The following ATRX variants were observed in gnomAD, a reference collection of about 807,000 sequenced individuals.
ATRX encodes the protein ATRX chromatin remodeler, also known as chromatin remodeler ATRX.
In ATRX, 12 loss-of-function variants were observed where a neutral mutation model predicts 172.6. That is an observed-to-expected ratio of 0.07 (90% confidence interval 0.04 to 0.11). The LOEUF is 0.11. Ranked by LOEUF, ATRX falls within the 10% of genes least tolerant of loss-of-function variation. The pLI is 1.00. For synonymous variants in ATRX, 674 were observed against 594.7 expected (o/e 1.13, Z -1.94); for missense variants, 1,368 against 1,767.4 (o/e 0.77, Z 4.05).
intron 30 of ATRX, among the ~76,000 whole-genome samples, chrX:77,538,748 T>C (rs187415011): frequency 1.8e-4 from 20 of 111,712 alleles, no homozygotes; most frequent in East Asian, 1.4e-3. Context: ...ATAAGAAACT[T>C]TGGAAGTAAG....
At position 77,633,513 on chromosome X, in the gene ATRX, A is replaced by G. The variant is rs185205836; in HGVS notation, c.4956+53T>C. On this transcript the variant is annotated intron_variant, in intron 18 of 34. Coordinates refer to ENST00000373344, the MANE Select transcript of ATRX (RefSeq NM_000489.6). Reference sequence around the variant, plus strand: ...TAAAAAAAATTAAAAATAGTTTACTATATGAATTTCATGTGACTATTTTAA... The same window carrying G: ...TAAAAAAAATTAAAAATAGTTTACTGTATGAATTTCATGTGACTATTTTAA... The G allele has an allele frequency of 2.1e-5, 24 of 1,144,876 alleles. No homozygotes were observed. The East Asian group carries it at 6.7e-4, about 32-fold the overall frequency. The allele number at this position is 1,144,876 out of a possible 1,213,427, so 94.4% of individuals were successfully genotyped here. A position where few individuals can be genotyped will look rare whatever the true frequency, so the allele number is the denominator to read the frequency against.
chrX:77,616,001 C>G lies in ATRX; in HGVS notation c.5566+612G>C, dbSNP rs1265260165. 9.3e-6 allele frequency: 7 copies of G among 751,614 alleles called. No individual in the cohort carries two copies. The African/African-American group carries it at 1.6e-4, about 18-fold the overall frequency. 61.9% of individuals were successfully genotyped at this position (751,614 alleles called of 1,213,427 possible). A position where few individuals can be genotyped will look rare whatever the true frequency, so the allele number is the denominator to read the frequency against. On this transcript the variant is annotated intron_variant, in intron 22 of 34. Transcript: ENST00000373344. ...GTGTGAAGACAGACATCTTCAGGCA[C>G]AGAGAGACACAGACACACACACACA...
At chrX:77,625,357 C>T (rs1557102290) in intron 19 of ATRX, among the ~76,000 whole-genome samples, 1 of 112,230 alleles carries the variant, frequency 8.9e-6, no homozygotes, top group African/African-American at 3.2e-5. Context: ...GGTCAAGAAC[C>T]CAAAAGCAAA....
chrX:77,644,720 A>G (rs782753993), intron 15 of ATRX, among the ~76,000 whole-genome samples: 3 of 106,516 alleles, frequency 2.8e-5, no homozygotes, highest in South Asian at 4.0e-4. Context: ...TCAAAAAGGG[A>G]AAAAAAAAAA....
At chrX:77,775,018 G>A (rs886855557) in intron 1 of ATRX, among the ~76,000 whole-genome samples, 2 of 111,435 alleles carry the variant, frequency 1.8e-5, no homozygotes, top group African/African-American at 6.5e-5. Context: ...ACAGGTGTGG[G>A]AGGCCGCACT....
At chrX:77,651,914 A>G (rs1237293661) in intron 15 of ATRX, 200 bp downstream of exon 15, 3 of 431,840 alleles carry the variant, frequency 6.9e-6, no homozygotes, top group Non-Finnish European at 1.2e-5. Flanking sequence ...GCTGAAATAT[A>G]TTGAAGTCAT....
intron 1 of ATRX, among the ~76,000 whole-genome samples, chrX:77,756,672 C>A (rs1330509143): frequency 9.0e-6 from 1 of 110,873 alleles, no homozygotes; most frequent in Non-Finnish European, 1.9e-5. Flanking sequence ...GCACCCACTG[C>A]CTAACCAGTC....
In ATRX at chrX:77,682,360, C is replaced by G. The variant is rs781852197; in HGVS notation, c.2896G>C (p.Glu966Gln). ...CTCTGGTCTTTCTTTAGGAATTTCT[C>G]TGCAATATCAGATAAGCCATCCTGT... ...KVQDGLSDIA[E>Q]KFLKKDQSDE... Residue 966 changes from glutamate to glutamine, a missense_variant, in exon 9 of 35, where the codon GAG becomes CAG. Coordinates refer to ENST00000373344, the MANE Select transcript of ATRX (RefSeq NM_000489.6). 1 of 1,210,787 alleles carries G rather than the reference C, an allele frequency of 8.3e-7. No individual in the cohort carries two copies.
At chrX:77,535,458 T>C (rs972228751) in intron 30 of ATRX, among the ~76,000 whole-genome samples, 1 of 112,150 alleles carries the variant, frequency 8.9e-6, no homozygotes, top group Non-Finnish European at 1.9e-5. Context: ...AAAAATTGGA[T>C]ATCCATTACA....
chrX:77,722,673 T>A (rs1213055285), intron 1 of ATRX, among the ~76,000 whole-genome samples: 2 of 111,362 alleles, frequency 1.8e-5, no homozygotes, highest in African/African-American at 6.5e-5. Context: ...ATGGCGAACA[T>A]TAAAAAGTCA....
chrX:77,710,097 G>A (rs1272033259), intron 2 of ATRX, among the ~76,000 whole-genome samples: 2 of 109,447 alleles, frequency 1.8e-5, no homozygotes, highest in African/African-American at 3.3e-5. Flanking sequence ...TCAGGAGTTC[G>A]AGACCAGCCT....
At chrX:77,701,420 G>T (rs1337927630) in intron 2 of ATRX, among the ~76,000 whole-genome samples, 1 of 109,013 alleles carries the variant, frequency 9.2e-6, no homozygotes, top group Non-Finnish European at 1.9e-5. Flanking sequence ...GCTGAGACAG[G>T]AAAATCACTT....
rs782196033 is a variant in ATRX at position 77,684,106 on chromosome X, T to G, written c.1150A>C (p.Ser384Arg). 2.5e-6 allele frequency: 3 copies of G among 1,208,314 alleles called. No homozygotes were observed. The highest frequency in any genetic ancestry group is 3.4e-6 in the Non-Finnish European group (3 of 892,896). ...AGCTGACGTAATTTTGTAGCAGAAC[T>G]GATTTCTGAATTATCTGTTGCCTGC... ...LKQATDNSEI[S>R]SATKLRQLKA... Residue 384 changes from serine (S) to arginine (R), a missense_variant, in exon 9 of 35, where the codon AGT becomes CGT. This residue lies in a region of ATRX where 843 missense variants were observed against 643.1 expected (regional missense o/e 1.31). Coordinates refer to ENST00000373344, the MANE Select transcript of ATRX (RefSeq NM_000489.6).
intron 1 of ATRX, among the ~76,000 whole-genome samples, chrX:77,741,598 A>C (rs1004907092): frequency 4.5e-5 from 5 of 110,852 alleles, no homozygotes; most frequent in African/African-American, 1.6e-4. Context: ...AGTAGCTGGG[A>C]CTACAGGTGC....
At chrX:77,766,437 A>T (rs1361639635) in intron 1 of ATRX, among the ~76,000 whole-genome samples, 1 of 104,492 alleles carries the variant, frequency 9.6e-6, no homozygotes, top group South Asian at 4.5e-4. Context: ...GGCGGCTGCC[A>T]GGCGGAGGGG....
chrX:77,713,613 C>G (rs1344068574), intron 2 of ATRX, among the ~76,000 whole-genome samples: 1 of 111,377 alleles, frequency 9.0e-6, no homozygotes, highest in Non-Finnish European at 1.9e-5. Flanking sequence ...TAAATAATGA[C>G]AGAGAATATT....
intron 27 of ATRX, among the ~76,000 whole-genome samples, chrX:77,586,148 AT>A (rs1167233734): frequency 8.9e-6 from 1 of 112,195 alleles, no homozygotes; most frequent in Non-Finnish European, 1.9e-5. Flanking sequence ...GTATAAATGG[AT>A]TTTTTGTATC....
intron 29 of ATRX, 129 bp downstream of exon 29, chrX:77,558,540 C>T: frequency 1.7e-6 from 1 of 582,683 alleles, no homozygotes; most frequent in Non-Finnish European, 2.7e-6. Context: ...CTGACTTCTG[C>T]TGCTTTATGT....
At chrX:77,719,731 G>C (rs2073644924) in intron 1 of ATRX, among the ~76,000 whole-genome samples, 1 of 111,224 alleles carries the variant, frequency 9.0e-6, no homozygotes, top group Non-Finnish European at 1.9e-5. Context: ...CACAATAATA[G>C]TGGGAGATTT....
Sources: allele counts gnomAD v4.1 joint callset (sites outside exome capture counted in the v4.1 genomes callset), GRCh38; gene constraint gnomAD v4.1.1; regional missense constraint gnomAD v4.1.1; transcripts MANE v1.5; gene names NCBI Gene and HGNC (gene_info 2026-07-23, HGNC 2026-07-21).